UNC5D: variants seen among roughly 807,000 people sequenced by gnomAD.
The protein encoded by UNC5D is unc-5 netrin receptor D.
Under a neutral mutation model 105.4 loss-of-function variants are expected in UNC5D, and 39 were observed. The observed-to-expected ratio is 0.37, with a 90% CI of 0.29 to 0.48. The LOEUF is 0.48. UNC5D is among the 20% of genes least tolerant of loss of function. The pLI, the probability that UNC5D is intolerant of heterozygous loss-of-function variation, is 0.98. For missense variants in UNC5D, 991 were observed against 1,202.4 expected (o/e 0.82, Z 2.60); for synonymous variants, 452 against 450.4 (o/e 1.00, Z -0.04).
At chr8:35,627,335 C>A (rs1190696394) in intron 4 of UNC5D, among the ~76,000 whole-genome samples, 1 of 152,076 alleles carries the variant, frequency 6.6e-6, no homozygotes, top group African/African-American at 2.4e-5. Flanking sequence ...TAATTTCTGA[C>A]CTAATTTGAT....
rs372820431 is a variant in UNC5D at position 35,650,123 on chromosome 8, CAAACAAA to C, written c.571-33401_571-33395del. On this transcript the variant is annotated intron_variant, in intron 4 of 16. Coordinates refer to ENST00000404895, the MANE Select transcript of UNC5D (RefSeq NM_080872.4). Reference sequence around the variant, plus strand: ...AAATGTGTATTGAAACTACAAAAAACAAACAAAAAACAAAAAACAAAAAACAAAACAC... The same window carrying C: ...AAATGTGTATTGAAACTACAAAAAACAAACAAAAAACAAAAAACAAAACAC... Among the ~76,000 whole-genome samples, 1,425 of 151,864 alleles carry C rather than the reference CAAACAAA, an allele frequency of 9.4e-3. 18 individuals carry two copies. The highest frequency in any genetic ancestry group is 0.032 in the African/African-American group (1,302 of 41,318).
intron 15 of UNC5D, among the ~76,000 whole-genome samples, chr8:35,771,138 T>C (rs777214803): frequency 7.9e-5 from 12 of 152,132 alleles, no homozygotes; most frequent in East Asian, 7.7e-4. Flanking sequence ...AATTGAAAAA[T>C]TACTTATTTT....
chr8:35,485,610 C>A (rs867378999), intron 1 of UNC5D, among the ~76,000 whole-genome samples: 15 of 152,082 alleles, frequency 9.9e-5, no homozygotes, highest in African/African-American at 3.6e-4. Context: ...CACAACTCGG[C>A]AAAATACCCG....
intron 16 of UNC5D, among the ~76,000 whole-genome samples, chr8:35,778,714 A>G (rs949923277): frequency 6.6e-6 from 1 of 152,218 alleles, no homozygotes; most frequent in African/African-American, 2.4e-5. Flanking sequence ...TCCTCAAATC[A>G]TTAAGGAAAA....
At chr8:35,299,643 C>T (rs1807774163) in intron 1 of UNC5D, among the ~76,000 whole-genome samples, 1 of 152,190 alleles carries the variant, frequency 6.6e-6, no homozygotes, top group Non-Finnish European at 1.5e-5. Flanking sequence ...ACTTTTAACT[C>T]AGGATCTTAC....
intron 1 of UNC5D, among the ~76,000 whole-genome samples, chr8:35,501,481 G>T (rs931722408): frequency 1.3e-5 from 2 of 152,228 alleles, no homozygotes; most frequent in African/African-American, 4.8e-5. Flanking sequence ...ATAGCTATAA[G>T]CTCCTCTTGG....
intron 1 of UNC5D, among the ~76,000 whole-genome samples, chr8:35,249,008 TAA>T (rs1381647683): frequency 1.4e-5 from 1 of 73,586 alleles, no homozygotes; most frequent in Non-Finnish European, 2.4e-5. Context: ...TAAACATATA[TAA>T]TATATATTAT....
chr8:35,434,023 A>G (rs1397127807), intron 1 of UNC5D, among the ~76,000 whole-genome samples: 1 of 152,048 alleles, frequency 6.6e-6, no homozygotes, highest in African/African-American at 2.4e-5. Flanking sequence ...TTATACAATA[A>G]TTTATTTTAA....
chr8:35,510,366 G>A (rs1389382422), intron 1 of UNC5D, among the ~76,000 whole-genome samples: 1 of 148,010 alleles, frequency 6.8e-6, no homozygotes, highest in East Asian at 2.0e-4. Flanking sequence ...TAGGAGTTGT[G>A]TGCCAAGAAA....
At chr8:35,632,821 G>A (rs536737101) in intron 4 of UNC5D, among the ~76,000 whole-genome samples, 1 of 152,296 alleles carries the variant, frequency 6.6e-6, no homozygotes. Context: ...AGGGTGTGTG[G>A]TCTAACCTGT....
At chr8:35,630,930 G>A (rs1293973950) in intron 4 of UNC5D, among the ~76,000 whole-genome samples, 1 of 152,164 alleles carries the variant, frequency 6.6e-6, no homozygotes, top group Non-Finnish European at 1.5e-5. Flanking sequence ...ATCATCATTT[G>A]GGAATGAAAG....
intron 4 of UNC5D, among the ~76,000 whole-genome samples, chr8:35,607,462 G>A (rs1820371446): frequency 6.6e-6 from 1 of 152,158 alleles, no homozygotes. Context: ...GATGCTGCTA[G>A]TTATTGGCAA....
chr8:35,409,949 A>G (rs1255880766), intron 1 of UNC5D, among the ~76,000 whole-genome samples: 1 of 150,794 alleles, frequency 6.6e-6, no homozygotes, highest in Non-Finnish European at 1.5e-5. Flanking sequence ...TAAACATAGC[A>G]TACCTGGTTG....
intron 4 of UNC5D, among the ~76,000 whole-genome samples, chr8:35,657,269 A>C (rs968594159): frequency 6.6e-6 from 1 of 151,382 alleles, no homozygotes; most frequent in African/African-American, 2.4e-5. Flanking sequence ...TATTTACACT[A>C]ATTTCCATTT....
chr8:35,787,217 C>T (rs944940710), intron 16 of UNC5D, among the ~76,000 whole-genome samples: 6 of 152,178 alleles, frequency 3.9e-5, no homozygotes, highest in Non-Finnish European at 7.3e-5. Context: ...AGATTCTAGT[C>T]ATTCCCATAG....
intron 4 of UNC5D, among the ~76,000 whole-genome samples, chr8:35,613,600 G>A (rs913815094): frequency 6.6e-6 from 1 of 152,202 alleles, no homozygotes; most frequent in African/African-American, 2.4e-5. Context: ...ACTCACGCCT[G>A]TAATCCCAGC....
chr8:35,283,972 A>C (rs1806394051), intron 1 of UNC5D, among the ~76,000 whole-genome samples: 1 of 152,200 alleles, frequency 6.6e-6, no homozygotes, highest in Admixed American at 6.6e-5. Context: ...TCTTCAAAAT[A>C]AATCTTGAAA....
At chr8:35,286,832 A>G (rs1483261496) in intron 1 of UNC5D, among the ~76,000 whole-genome samples, 1 of 152,138 alleles carries the variant, frequency 6.6e-6, no homozygotes, top group Non-Finnish European at 1.5e-5. Flanking sequence ...AACAACCACA[A>G]AAATCTCACC....
intron 1 of UNC5D, among the ~76,000 whole-genome samples, chr8:35,493,900 A>T (rs1811372962): frequency 6.6e-6 from 1 of 152,136 alleles, no homozygotes; most frequent in South Asian, 2.1e-4. Context: ...AAATTTTTTT[A>T]AGCAAAGGAA....
Sources: gnomAD v4.1 joint callset for allele counts (sites outside exome capture counted in the v4.1 genomes callset) on GRCh38, gnomAD v4.1.1 for gene constraint, MANE v1.5 for transcripts, NCBI Gene and HGNC (gene_info 2026-07-23, HGNC 2026-07-21) for gene names.